Variants in CPNE4 observed in about 807,000 individuals in gnomAD.
CPNE4 encodes copine-4.
CPNE4 carries 25 observed loss-of-function variants against 67.9 expected under a neutral mutation model. The ratio of observed to expected loss-of-function variants is 0.37; its 90% CI spans 0.27 to 0.51. The LOEUF is 0.51. Ranked by LOEUF, CPNE4 falls within the 20% of genes least tolerant of loss-of-function variation. CPNE4 has a pLI of 0.93. For missense variants in CPNE4, 464 were observed against 690.8 expected, an observed-to-expected ratio of 0.67 and a Z score of 3.68; for synonymous variants, 242 against 244.9, an observed-to-expected ratio of 0.99 and a Z score of 0.11.
intron 1 of CPNE4, among the ~76,000 whole-genome samples, chr3:131,940,229 TCATA>T (rs759456051): frequency 7.9e-5 from 12 of 152,240 alleles, no homozygotes; most frequent in Middle Eastern, 3.4e-3. Context: ...CCAACAATGC[TCATA>T]CATAATGTAT....
At chr3:131,859,534 A>G (rs573110743) in intron 2 of CPNE4, among the ~76,000 whole-genome samples, 1 of 152,264 alleles carries the variant, frequency 6.6e-6, no homozygotes, top group Non-Finnish European at 1.5e-5. Flanking sequence ...GTGGGTGGTG[A>G]GTCAGAGAGG....
At chr3:131,604,433 A>G (rs1421322660) in intron 7 of CPNE4, among the ~76,000 whole-genome samples, 1 of 152,126 alleles carries the variant, frequency 6.6e-6, no homozygotes, top group East Asian at 1.9e-4. Context: ...AAGGATACAA[A>G]GTATTAATCC....
intron 2 of CPNE4, among the ~76,000 whole-genome samples, chr3:131,773,720 T>C (rs1001968502): frequency 3.3e-5 from 5 of 152,300 alleles, no homozygotes; most frequent in African/African-American, 7.2e-5. Flanking sequence ...ATAGCCACTA[T>C]AGAATTTTGA....
chr3:131,598,722 G>A (rs1168799623), intron 7 of CPNE4, among the ~76,000 whole-genome samples: 1 of 152,042 alleles, frequency 6.6e-6, no homozygotes, highest in African/African-American at 2.4e-5. Flanking sequence ...CCTTTCCAAT[G>A]GCACTTTTTC....
At chr3:131,727,360 C>T (rs925644342) in intron 2 of CPNE4, among the ~76,000 whole-genome samples, 7 of 151,896 alleles carry the variant, frequency 4.6e-5, no homozygotes, top group African/African-American at 7.3e-5. Context: ...TTTTGGAGGC[C>T]GAGGAGGGTG....
At chr3:131,825,780 A>T (rs2085135486) in intron 2 of CPNE4, among the ~76,000 whole-genome samples, 1 of 152,212 alleles carries the variant, frequency 6.6e-6, no homozygotes, top group African/African-American at 2.4e-5. Context: ...GAACATTCTG[A>T]GTTGCCTCCC....
At chr3:131,947,395 C>T (rs1010505098) in intron 1 of CPNE4, among the ~76,000 whole-genome samples, 2 of 152,192 alleles carry the variant, frequency 1.3e-5, no homozygotes, top group Admixed American at 1.3e-4. Flanking sequence ...TTTCCTCCCA[C>T]CCCCCAATAG....
chr3:131,744,386 T>C (rs975975800), intron 2 of CPNE4, among the ~76,000 whole-genome samples: 3 of 152,198 alleles, frequency 2.0e-5, no homozygotes, highest in Non-Finnish European at 4.4e-5. Context: ...ACTTTTTATT[T>C]TGTGTCAGTT....
intron 11 of CPNE4, 118 bp from the exon 12 acceptor site, chr3:131,555,669 T>C (rs1936422058): frequency 1.3e-6 from 1 of 777,350 alleles, no homozygotes; most frequent in Non-Finnish European, 2.2e-6. Flanking sequence ...ATGCCAGTGC[T>C]GACTCATGCT....
chr3:131,913,437 C>T (rs1350106419), intron 1 of CPNE4, among the ~76,000 whole-genome samples: 6 of 152,172 alleles, frequency 3.9e-5, no homozygotes, highest in African/African-American at 1.2e-4. Context: ...ACACACTGCT[C>T]GTGCTCCCCT....
intron 13 of CPNE4, among the ~76,000 whole-genome samples, chr3:131,551,670 C>T (rs1936181184): frequency 6.6e-6 from 1 of 152,036 alleles, no homozygotes; most frequent in African/African-American, 2.4e-5. Context: ...CTTACACACT[C>T]TACTGGATCT....
intron 7 of CPNE4, among the ~76,000 whole-genome samples, chr3:131,605,314 T>TGG (rs1559970986): frequency 6.6e-6 from 1 of 152,116 alleles, no homozygotes; most frequent in East Asian, 1.9e-4. Flanking sequence ...CTTTGTTACA[T>TGG]GGGGTATGAA....
chr3:131,867,172 T>C (rs1015309246), intron 2 of CPNE4, among the ~76,000 whole-genome samples: 2 of 152,090 alleles, frequency 1.3e-5, no homozygotes, highest in East Asian at 1.9e-4. Context: ...ATTTTGAAGA[T>C]AGAAATAGGT....
At chr3:131,900,097 T>A (rs2088494082) in intron 2 of CPNE4, among the ~76,000 whole-genome samples, 1 of 151,712 alleles carries the variant, frequency 6.6e-6, no homozygotes, top group Non-Finnish European at 1.5e-5. Flanking sequence ...AGTGGAGGGA[T>A]CGGAATTAAT....
At chr3:131,847,451 T>G (rs767215108) in intron 2 of CPNE4, among the ~76,000 whole-genome samples, 1 of 152,228 alleles carries the variant, frequency 6.6e-6, no homozygotes, top group Admixed American at 6.5e-5. Context: ...CATAAATGAA[T>G]GTATTATTGG....
chr3:131,641,023 G>A (rs1338666637), intron 7 of CPNE4, among the ~76,000 whole-genome samples: 5 of 152,098 alleles, frequency 3.3e-5, no homozygotes, highest in African/African-American at 1.2e-4. Context: ...AACTCAAGAT[G>A]GATCAGAGAC....
At chr3:131,873,970 C>T (rs6784135) in intron 2 of CPNE4, among the ~76,000 whole-genome samples, 42,200 of 152,092 alleles carry the variant, frequency 0.28, 7,217 homozygotes, top group Non-Finnish European at 0.37. Context: ...TATGATTCAA[C>T]CTCCACAGTA....
At chr3:131,555,079 T>G (rs1280239096) in intron 12 of CPNE4, among the ~76,000 whole-genome samples, 1 of 152,094 alleles carries the variant, frequency 6.6e-6, no homozygotes, top group East Asian at 1.9e-4. Context: ...ATACAAGACT[T>G]GGACTCGGAG....
intron 10 of CPNE4, among the ~76,000 whole-genome samples, chr3:131,567,148 G>A (rs530098741): frequency 6.6e-5 from 10 of 152,008 alleles, no homozygotes; most frequent in African/African-American, 2.4e-4. Flanking sequence ...GGTGTTCTGT[G>A]ATGACAAAAA....
Sources: allele counts gnomAD v4.1 joint callset (sites outside exome capture counted in the v4.1 genomes callset), GRCh38; gene constraint gnomAD v4.1.1; transcripts MANE v1.5; gene names NCBI Gene and HGNC (gene_info 2026-07-23, HGNC 2026-07-21).